TAFA2: variants seen among roughly 807,000 people sequenced by gnomAD.
TAFA2 encodes the protein TAFA chemokine like family member 2.
TAFA2 carries 7 observed loss-of-function variants against 18.8 expected under a neutral mutation model. That is an observed-to-expected ratio of 0.37 (90% CI 0.21 to 0.70). The LOEUF is 0.70. TAFA2 is among the 30% of genes least tolerant of loss of function. The pLI is 0.53. For missense variants in TAFA2, 122 were observed against 158.1 expected, an observed-to-expected ratio of 0.77 and a Z score of 1.23; for synonymous variants, 60 against 54.2, an observed-to-expected ratio of 1.11 and a Z score of -0.47.
intron 1 of TAFA2, among the ~76,000 whole-genome samples, chr12:61,979,097 C>A (rs1416025524): frequency 6.6e-6 from 1 of 152,104 alleles, no homozygotes; most frequent in Admixed American, 6.6e-5. Context: ...TGCCATTTTT[C>A]TGCAGATAAC....
At chr12:61,916,104 G>T (rs1876811252) in intron 1 of TAFA2, among the ~76,000 whole-genome samples, 2 of 152,178 alleles carry the variant, frequency 1.3e-5, no homozygotes, top group Admixed American at 1.3e-4. Context: ...GAAATGTCAT[G>T]AAGCCCTTTG....
At chr12:62,222,685 T>A (rs1007491339) in intron 1 of TAFA2, among the ~76,000 whole-genome samples, 57 of 151,208 alleles carry the variant, frequency 3.8e-4, no homozygotes, top group African/African-American at 1.1e-3. Flanking sequence ...TTTTTTTTTT[T>A]TTTTATTTTT....
chr12:62,028,352 G>T (rs1881363387), intron 1 of TAFA2, among the ~76,000 whole-genome samples: 2 of 152,116 alleles, frequency 1.3e-5, no homozygotes, highest in South Asian at 4.1e-4. Flanking sequence ...CCTTCACAGT[G>T]AGTTCCCACT....
chr12:62,104,951 G>A (rs1869380917), intron 1 of TAFA2: 2 of 206,664 alleles, frequency 9.7e-6, no homozygotes, highest in South Asian at 1.2e-4. Flanking sequence ...CTGACAAAAA[G>A]TCTATTTAGT....
chr12:62,104,607 G>T, intron 1 of TAFA2: 1 of 401,642 alleles, frequency 2.5e-6, no homozygotes, highest in South Asian at 1.7e-5. Flanking sequence ...TCCAGAGAAT[G>T]AAAGAAATCT....
intron 2 of TAFA2, among the ~76,000 whole-genome samples, chr12:61,820,523 A>G (rs896473695): frequency 2.6e-5 from 4 of 151,960 alleles, no homozygotes; most frequent in Non-Finnish European, 4.4e-5. Context: ...TATAAAAAGA[A>G]GAGAAGGAGG....
chr12:61,851,978 G>A (rs1049009761), intron 2 of TAFA2, among the ~76,000 whole-genome samples: 1 of 151,478 alleles, frequency 6.6e-6, no homozygotes, highest in Non-Finnish European at 1.5e-5. Context: ...GAGGCCGAGG[G>A]GGGCAGAGCA....
chr12:61,950,857 A>T (rs571002601), intron 1 of TAFA2, among the ~76,000 whole-genome samples: 5 of 152,286 alleles, frequency 3.3e-5, no homozygotes, highest in African/African-American at 1.2e-4. Flanking sequence ...GCAAAAAATA[A>T]ATAAATGGCA....
chr12:61,870,610 T>C (rs4397906), intron 1 of TAFA2, among the ~76,000 whole-genome samples: 124,532 of 151,998 alleles, frequency 0.82, 51,254 homozygotes, highest in African/African-American at 0.91. Context: ...TCATTTTATG[T>C]CATTTTGTCC....
chr12:61,775,028 C>A (rs116126271), intron 2 of TAFA2, among the ~76,000 whole-genome samples: 1 of 151,628 alleles, frequency 6.6e-6, no homozygotes, highest in Non-Finnish European at 1.5e-5. Context: ...AAACACATCA[C>A]GAGAAAATAT....
At chr12:61,720,238 G>A (rs932518859) in intron 4 of TAFA2, among the ~76,000 whole-genome samples, 1 of 152,120 alleles carries the variant, frequency 6.6e-6, no homozygotes, top group Non-Finnish European at 1.5e-5. Flanking sequence ...TGGACCATTA[G>A]GTAAGAATGC....
At chr12:62,126,381 T>C (rs955654886) in intron 1 of TAFA2, among the ~76,000 whole-genome samples, 2 of 152,116 alleles carry the variant, frequency 1.3e-5, no homozygotes, top group Non-Finnish European at 2.9e-5. Flanking sequence ...TTAACATATA[T>C]TTCGTTCCAG....
intron 1 of TAFA2, among the ~76,000 whole-genome samples, chr12:61,997,189 GTGTA>G (rs1438195481): frequency 5.3e-5 from 8 of 151,224 alleles, no homozygotes; most frequent in Non-Finnish European, 8.8e-5. Flanking sequence ...GTGTGTGTGT[GTGTA>G]TATATATATA....
intron 1 of TAFA2, among the ~76,000 whole-genome samples, chr12:61,926,285 T>G (rs940648018): frequency 5.3e-5 from 8 of 152,230 alleles, no homozygotes; most frequent in African/African-American, 1.7e-4. Flanking sequence ...GCTGGTACCA[T>G]TCCTTCTGAA....
chr12:61,726,697 T>C (rs1375384221), intron 4 of TAFA2, among the ~76,000 whole-genome samples: 1 of 152,040 alleles, frequency 6.6e-6, no homozygotes, highest in Non-Finnish European at 1.5e-5. Flanking sequence ...AGTTTGACTT[T>C]ATCTTTACCT....
intron 1 of TAFA2, among the ~76,000 whole-genome samples, chr12:62,047,686 G>A (rs1881944994): frequency 1.3e-5 from 2 of 151,888 alleles, no homozygotes; most frequent in South Asian, 4.1e-4. Context: ...CTTTCCTTGA[G>A]GTATACATAG....
At chr12:61,990,621 G>GAGCCAC (rs1002634245) in intron 1 of TAFA2, among the ~76,000 whole-genome samples, 4 of 39,952 alleles carry the variant, frequency 1.0e-4, no homozygotes, top group African/African-American at 2.8e-4. Context: ...TTACAGGCAT[G>GAGCCAC]AGCGCCCGGC....
At chr12:62,073,220 T>C (rs1882678716) in intron 1 of TAFA2, among the ~76,000 whole-genome samples, 1 of 152,230 alleles carries the variant, frequency 6.6e-6, no homozygotes. Context: ...ATCCTAAATG[T>C]TCACCAGAAG....
At chr12:62,174,283 T>C (rs2062497777) in intron 1 of TAFA2, among the ~76,000 whole-genome samples, 1 of 151,624 alleles carries the variant, frequency 6.6e-6, no homozygotes, top group Admixed American at 6.6e-5. Context: ...ACCACTGCCC[T>C]CCAGCTGGGC....
Sources: allele counts gnomAD v4.1 joint callset (sites outside exome capture counted in the v4.1 genomes callset), GRCh38; gene constraint gnomAD v4.1.1; transcripts MANE v1.5; gene names NCBI Gene and HGNC (gene_info 2026-07-23, HGNC 2026-07-21).